Variants in ZNF704 observed in about 807,000 individuals in gnomAD.
ZNF704 encodes glucocorticoid induced gene 1.
ZNF704 carries 10 observed loss-of-function variants against 44.7 expected under a neutral mutation model. The ratio of observed to expected loss-of-function variants is 0.22; its 90% CI spans 0.14 to 0.38. ZNF704 has a LOEUF of 0.38. Among genes scored for constraint, ZNF704 ranks in the 10% least tolerant of loss-of-function variants. The pLI is 1.00. For synonymous variants in ZNF704, 211 were observed against 207.6 expected (o/e 1.02, Z -0.14); for missense variants, 390 against 545.5 (o/e 0.71, Z 2.84).
intron 2 of ZNF704, among the ~76,000 whole-genome samples, chr8:80,748,575 C>T (rs892038873): frequency 6.6e-6 from 1 of 152,106 alleles, no homozygotes; most frequent in Admixed American, 6.5e-5. Flanking sequence ...TTTTTTTAAA[C>T]CACTGTGTAA....
intron 4 of ZNF704, among the ~76,000 whole-genome samples, chr8:80,685,847 T>A (rs1335544462): frequency 6.6e-6 from 1 of 152,248 alleles, no homozygotes; most frequent in Non-Finnish European, 1.5e-5. Context: ...ATCAATGCCA[T>A]CTCTTTGTTT....
chr8:80,666,289 T>G (rs1818193621), intron 5 of ZNF704, among the ~76,000 whole-genome samples: 1 of 151,064 alleles, frequency 6.6e-6, no homozygotes, highest in Non-Finnish European at 1.5e-5. Flanking sequence ...ACAAAGGACA[T>G]GAACTCATCA....
chr8:80,628,934 A>C lies in ZNF704; in HGVS notation c.*12432T>G, dbSNP rs879899791. 17 of 152,226 alleles carry C rather than the reference A, an allele frequency of 1.1e-4. No homozygotes were observed. The highest frequency in any genetic ancestry group is 3.6e-4 in the African/African-American group (15 of 41,464). 9.4% of individuals were successfully genotyped at this position (152,226 alleles called of 1,614,324 possible). On this transcript the variant is annotated 3_prime_UTR_variant, in exon 9 of 9. Transcript: ENST00000327835. ...CTGTCCCCTTGGGAAAGTGCAGTTT[A>C]ACTGGTATGAACATTTAACATTGTA...
At chr8:80,792,608 C>A (rs139080588) in intron 2 of ZNF704, among the ~76,000 whole-genome samples, 40 of 152,314 alleles carry the variant, frequency 2.6e-4, no homozygotes, top group African/African-American at 9.1e-4. Context: ...CTAGCAGATT[C>A]TCTCCCTAGC....
At chr8:80,673,686 T>C (rs1003370590) in intron 4 of ZNF704, among the ~76,000 whole-genome samples, 1 of 152,216 alleles carries the variant, frequency 6.6e-6, no homozygotes, top group Admixed American at 6.5e-5. Flanking sequence ...AGCCACCCCA[T>C]GCTGAAGATT....
At chr8:80,738,238 T>C (rs1311087660) in intron 2 of ZNF704, among the ~76,000 whole-genome samples, 2 of 152,214 alleles carry the variant, frequency 1.3e-5, no homozygotes, top group Non-Finnish European at 1.5e-5. Flanking sequence ...AGGTAAAGTA[T>C]TTTTCCCTTT....
intron 7 of ZNF704, among the ~76,000 whole-genome samples, chr8:80,643,443 C>T (rs545220301): frequency 4.2e-5 from 6 of 143,522 alleles, no homozygotes; most frequent in Non-Finnish European, 9.0e-5. Context: ...GCTTGAACCC[C>T]GGGGCGGAGG....
intron 2 of ZNF704, among the ~76,000 whole-genome samples, chr8:80,804,069 T>C (rs1807945948): frequency 6.6e-6 from 1 of 151,696 alleles, no homozygotes; most frequent in African/African-American, 2.4e-5. Context: ...CCAACAAACA[T>C]ATGAAAAAAA....
chr8:80,845,064 C>G (rs181291852), intron 1 of ZNF704, among the ~76,000 whole-genome samples: 21 of 152,270 alleles, frequency 1.4e-4, no homozygotes, highest in African/African-American at 5.1e-4. Context: ...AGTTACAGAA[C>G]TATTCTATTC....
intron 6 of ZNF704, among the ~76,000 whole-genome samples, chr8:80,663,614 T>C (rs79724264): frequency 5.3e-5 from 8 of 152,144 alleles, no homozygotes; most frequent in East Asian, 3.8e-4. Flanking sequence ...TTGGGGAACA[T>C]TGAGAACGAC....
intron 2 of ZNF704, among the ~76,000 whole-genome samples, chr8:80,819,850 A>G (rs1207128269): frequency 6.6e-6 from 1 of 152,196 alleles, no homozygotes. Flanking sequence ...AGTCTGACAA[A>G]TCTGGCAATG....
intron 1 of ZNF704, among the ~76,000 whole-genome samples, chr8:80,862,347 C>T (rs1809077837): frequency 6.6e-6 from 1 of 151,802 alleles, no homozygotes. Flanking sequence ...TCCAAACAAC[C>T]TTGTGCTAGA....
chr8:80,817,476 G>C (rs1808195510), intron 2 of ZNF704, among the ~76,000 whole-genome samples: 1 of 152,150 alleles, frequency 6.6e-6, no homozygotes, highest in East Asian at 1.9e-4. Flanking sequence ...GCTCAGACTA[G>C]CACCCTAAAC....
rs180816024 is a variant in ZNF704, at chr8:80,722,952, T to C, written c.222-29845A>G. Reference sequence around the variant, plus strand: ...TGGTGTAGCAAACAGTGAATGACCCTAAGTATCGAATAAAAACAATTCTTT... The same window carrying C: ...TGGTGTAGCAAACAGTGAATGACCCCAAGTATCGAATAAAAACAATTCTTT... On this transcript the variant is annotated intron_variant, in intron 2 of 8. Transcript: ENST00000327835. Among the ~76,000 whole-genome samples the C allele has an allele frequency of 1.5e-4, 23 of 152,358 alleles. No individual in the cohort carries two copies. In the East Asian group the frequency reaches 3.9e-3, roughly 26 times the overall value.
At chr8:80,743,785 G>A (rs1347409524) in intron 2 of ZNF704, among the ~76,000 whole-genome samples, 2 of 152,190 alleles carry the variant, frequency 1.3e-5, no homozygotes, top group African/African-American at 4.8e-5. Flanking sequence ...GTGTAACATA[G>A]AGATAGAGAT....
chr8:80,675,090 T>C (rs1818342991), intron 4 of ZNF704, among the ~76,000 whole-genome samples: 1 of 152,234 alleles, frequency 6.6e-6, no homozygotes, highest in South Asian at 2.1e-4. Context: ...AGTGAAATTC[T>C]AGTAGGGGAG....
At chr8:80,644,555 C>T (rs975517661) in intron 7 of ZNF704, among the ~76,000 whole-genome samples, 4 of 151,946 alleles carry the variant, frequency 2.6e-5, no homozygotes, top group African/African-American at 9.7e-5. Context: ...AACATAAATC[C>T]GCAAGTCACC....
At chr8:80,688,461 C>T (rs7833234) in intron 3 of ZNF704, among the ~76,000 whole-genome samples, 15,612 of 152,080 alleles carry the variant, frequency 0.1, 2,704 homozygotes, top group African/African-American at 0.36. Context: ...GATTATTATC[C>T]CAGTTTTATA....
chr8:80,756,742 T>G (rs1405844394), intron 2 of ZNF704, among the ~76,000 whole-genome samples: 2 of 152,248 alleles, frequency 1.3e-5, no homozygotes, highest in Non-Finnish European at 2.9e-5. Context: ...TGTAATTCAC[T>G]TCTTTACCTG....
Sources: allele counts gnomAD v4.1 joint callset (sites outside exome capture counted in the v4.1 genomes callset), GRCh38; gene constraint gnomAD v4.1.1; transcripts MANE v1.5; gene names NCBI Gene and HGNC (gene_info 2026-07-23, HGNC 2026-07-21).